The following HHAT variants were observed in gnomAD, a reference collection of about 807,000 sequenced individuals.
HHAT encodes the protein protein-cysteine N-palmitoyltransferase HHAT.
A neutral mutation model predicts 70.8 loss-of-function variants in HHAT; 47 were observed. The observed-to-expected ratio is 0.66, with a 90% confidence interval of 0.53 to 0.85. The LOEUF is 0.85. HHAT is among the 40% of genes least tolerant of loss of function. The pLI is 0.00. For missense variants in HHAT, 609 were observed against 604.8 expected, an observed-to-expected ratio of 1.01 and a Z score of -0.07; for synonymous variants, 228 against 247.6, an observed-to-expected ratio of 0.92 and a Z score of 0.74.
chr1:210,372,522 ACATT>A (rs1381101731), intron 3 of HHAT, among the ~76,000 whole-genome samples: 1 of 152,192 alleles, frequency 6.6e-6, no homozygotes, highest in African/African-American at 2.4e-5. Flanking sequence ...ACAAGTACAA[ACATT>A]CATTAGGTAG....
At chr1:210,336,015 A>G (rs1222866853) in intron 1 of HHAT, among the ~76,000 whole-genome samples, 1 of 152,224 alleles carries the variant, frequency 6.6e-6, no homozygotes, top group African/African-American at 2.4e-5. Context: ...CCATTGATGT[A>G]AAGTTCAAAA....
At chr1:210,391,399 C>T (rs1004980381) in intron 4 of HHAT, among the ~76,000 whole-genome samples, 2 of 151,888 alleles carry the variant, frequency 1.3e-5, no homozygotes, top group Non-Finnish European at 2.9e-5. Context: ...ACAAAAAGTG[C>T]AAATTATAGA....
At chr1:210,652,263 T>C (rs769826257) in intron 11 of HHAT, among the ~76,000 whole-genome samples, 9 of 152,300 alleles carry the variant, frequency 5.9e-5, no homozygotes, top group Middle Eastern at 6.8e-3. Context: ...AATTCTTATC[T>C]CTAGCTCTCT....
chr1:210,414,721 A>G (rs1222066173), intron 6 of HHAT, among the ~76,000 whole-genome samples: 1 of 152,118 alleles, frequency 6.6e-6, no homozygotes, highest in African/African-American at 2.4e-5. Context: ...CTCTGATTTA[A>G]AAAAGAACCA....
intron 3 of HHAT, among the ~76,000 whole-genome samples, chr1:210,380,943 T>C (rs742560): frequency 0.22 from 33,174 of 151,814 alleles, 4,203 homozygotes; most frequent in African/African-American, 0.36. Context: ...GAAGTTTCTC[T>C]GGAATGCTAA....
chr1:210,624,792 C>A (rs1273040420), intron 11 of HHAT, among the ~76,000 whole-genome samples: 2 of 152,196 alleles, frequency 1.3e-5, no homozygotes, highest in Non-Finnish European at 2.9e-5. Context: ...ATGGTACATA[C>A]TACTATAGCC....
chr1:210,581,140 G>A (rs955635986), intron 9 of HHAT, among the ~76,000 whole-genome samples: 1 of 152,118 alleles, frequency 6.6e-6, no homozygotes, highest in Non-Finnish European at 1.5e-5. Context: ...AGAAGTGTCT[G>A]TTCATATCCT....
chr1:210,650,854 C>T (rs1220306891), intron 11 of HHAT, among the ~76,000 whole-genome samples: 5 of 152,188 alleles, frequency 3.3e-5, no homozygotes, highest in African/African-American at 4.8e-5. Flanking sequence ...TTATTTGCTT[C>T]ATGGCATACT....
At chr1:210,400,842 A>T (rs537026018) in intron 5 of HHAT, among the ~76,000 whole-genome samples, 180 bp downstream of exon 5, 3 of 152,330 alleles carry the variant, frequency 2.0e-5, no homozygotes, top group South Asian at 2.1e-4. Context: ...CAATCCTATC[A>T]TTCCTGGCTG....
chr1:210,637,166 G>A (rs540490479), intron 11 of HHAT, among the ~76,000 whole-genome samples: 10 of 152,214 alleles, frequency 6.6e-5, no homozygotes, highest in African/African-American at 2.4e-4. Context: ...ACATTATTCT[G>A]CCACATGGCC....
At chr1:210,418,702 GTTC>G (rs2092800527) in intron 7 of HHAT, among the ~76,000 whole-genome samples, 1 of 152,140 alleles carries the variant, frequency 6.6e-6, no homozygotes, top group Non-Finnish European at 1.5e-5. Context: ...AGATTGAGTT[GTTC>G]CACAGTCTTC....
intron 10 of HHAT, among the ~76,000 whole-genome samples, chr1:210,619,336 C>A (rs1428592801): frequency 6.6e-6 from 1 of 152,088 alleles, no homozygotes; most frequent in African/African-American, 2.4e-5. Flanking sequence ...TTGGAATTGG[C>A]GGCTACACCT....
At chr1:210,359,796 G>A (rs1366537360) in intron 2 of HHAT, among the ~76,000 whole-genome samples, 1 of 152,084 alleles carries the variant, frequency 6.6e-6, no homozygotes, top group Admixed American at 6.5e-5. Flanking sequence ...GCACCCAGGA[G>A]GTGGAGGTTG....
At chr1:210,361,269 C>T (rs188129404) in intron 2 of HHAT, among the ~76,000 whole-genome samples, 119 of 152,290 alleles carry the variant, frequency 7.8e-4, no homozygotes, top group Non-Finnish European at 1.4e-3. Flanking sequence ...ATTTGTTTGC[C>T]AATTGTTCCT....
intron 6 of HHAT, among the ~76,000 whole-genome samples, chr1:210,411,608 A>C (rs1414079589): frequency 6.6e-6 from 1 of 151,916 alleles, no homozygotes; most frequent in Non-Finnish European, 1.5e-5. Context: ...AAAAAAAATC[A>C]GCCAGGCGTG....
chr1:210,673,835 A>G (rs1023925703), intron 11 of HHAT, among the ~76,000 whole-genome samples: 3 of 150,544 alleles, frequency 2.0e-5, no homozygotes, highest in African/African-American at 7.3e-5. Flanking sequence ...AGGTTTCACT[A>G]TGTTTCCCAG....
chr1:210,375,203 G>A (rs1042187588), intron 3 of HHAT, among the ~76,000 whole-genome samples: 1 of 152,130 alleles, frequency 6.6e-6, no homozygotes, highest in African/African-American at 2.4e-5. Flanking sequence ...ACTCTGTGCT[G>A]CCTCTTTGAT....
At chr1:210,525,581 G>A (rs554915892) in intron 9 of HHAT, among the ~76,000 whole-genome samples, 2 of 152,220 alleles carry the variant, frequency 1.3e-5, no homozygotes, top group East Asian at 3.9e-4. Context: ...AGAATTATTT[G>A]TCTTCCTAGC....
At chr1:210,384,838 A>G (rs780315392) in intron 3 of HHAT, among the ~76,000 whole-genome samples, 1 of 152,224 alleles carries the variant, frequency 6.6e-6, no homozygotes, top group African/African-American at 2.4e-5. Context: ...CTTTTGCTTC[A>G]AGAAGCAGTG....
Sources: gnomAD v4.1 joint callset for allele counts (sites outside exome capture counted in the v4.1 genomes callset) on GRCh38, gnomAD v4.1.1 for gene constraint, MANE v1.5 for transcripts, NCBI Gene and HGNC (gene_info 2026-07-23, HGNC 2026-07-21) for gene names.